ENTREP2: variants seen among roughly 807,000 people sequenced by gnomAD.
ENTREP2 encodes the protein endosomal transmembrane epsin interactor 2, also known as protein ENTREP2.
chr15:29,265,051 C>T, the ENTREP2 span: 4 of 151,992 alleles, frequency 2.6e-5, no homozygotes, highest in Non-Finnish European at 4.4e-5. Flanking sequence ...TATATACATC[C>T]AAAGTCATTC....
chr15:29,249,106 C>T, the ENTREP2 span, among the ~76,000 whole-genome samples: 3 of 151,974 alleles, frequency 2.0e-5, no homozygotes, highest in Admixed American at 1.3e-4. Context: ...GTCAGGAGTT[C>T]GAGACCAGTC....
At chr15:29,505,679 G>C in the ENTREP2 span, among the ~76,000 whole-genome samples, 1 of 152,184 alleles carries the variant, frequency 6.6e-6, no homozygotes, top group Non-Finnish European at 1.5e-5. This position sits in a 1 kb window ranked among gnomAD's most constrained non-coding sequence, Gnocchi z 4.3. Context: ...ATGACCGTTA[G>C]AAGGAAAACT....
chr15:29,429,751 G>T, the ENTREP2 span, among the ~76,000 whole-genome samples: 2 of 152,172 alleles, frequency 1.3e-5, no homozygotes, highest in South Asian at 2.1e-4. Context: ...AGTTCTCAAA[G>T]GAATACAGAG....
At chr15:29,267,637 T>C in the ENTREP2 span, 1 of 152,164 alleles carries the variant, frequency 6.6e-6, no homozygotes, top group South Asian at 2.1e-4. Context: ...ATACACGTTA[T>C]ATTTCCCCAT....
the ENTREP2 span, among the ~76,000 whole-genome samples, chr15:29,410,115 C>G: frequency 6.6e-6 from 1 of 152,000 alleles, no homozygotes; most frequent in East Asian, 1.9e-4. Flanking sequence ...ACTCTAAGGC[C>G]TGTCTCTTTG....
the ENTREP2 span, among the ~76,000 whole-genome samples, chr15:29,270,195 T>C: frequency 3.3e-5 from 5 of 152,116 alleles, no homozygotes; most frequent in African/African-American, 1.2e-4. Flanking sequence ...CTACACAAAA[T>C]GTAGAAGGAC....
the ENTREP2 span, among the ~76,000 whole-genome samples, chr15:29,451,576 G>A: frequency 6.6e-6 from 1 of 152,210 alleles, no homozygotes; most frequent in Non-Finnish European, 1.5e-5. Context: ...ATGACTCGGG[G>A]CGTGACTGAA....
chr15:29,362,443 C>T, the ENTREP2 span, among the ~76,000 whole-genome samples: 4 of 139,168 alleles, frequency 2.9e-5, no homozygotes, highest in East Asian at 2.2e-4. Context: ...GGCGCGATCT[C>T]GGCTCACTGC....
chr15:29,159,113 C>T, the ENTREP2 span, among the ~76,000 whole-genome samples: 1 of 152,130 alleles, frequency 6.6e-6, no homozygotes, highest in Non-Finnish European at 1.5e-5. Context: ...TGTGGACCCT[C>T]GCGCTGAGTG....
At chr15:29,602,547 T>G in the ENTREP2 span, among the ~76,000 whole-genome samples, 1 of 152,106 alleles carries the variant, frequency 6.6e-6, no homozygotes, top group Non-Finnish European at 1.5e-5. Flanking sequence ...TATTATTTTA[T>G]TATTTTTTGA....
the ENTREP2 span, among the ~76,000 whole-genome samples, chr15:29,414,151 A>C: frequency 1.3e-5 from 2 of 152,232 alleles, no homozygotes; most frequent in African/African-American, 4.8e-5. Flanking sequence ...AAGCGGACCT[A>C]ATAGACATCT....
the ENTREP2 span, among the ~76,000 whole-genome samples, chr15:29,251,008 T>G: frequency 6.6e-6 from 1 of 152,224 alleles, no homozygotes; most frequent in Non-Finnish European, 1.5e-5. Context: ...CCAGCGACAC[T>G]GGTCCTGCTG....
the ENTREP2 span, among the ~76,000 whole-genome samples, chr15:29,163,284 T>A: frequency 6.6e-6 from 1 of 151,976 alleles, no homozygotes; most frequent in African/African-American, 2.4e-5. Context: ...TCACACTAGT[T>A]TACCAGCAAT....
chr15:29,160,219 C>A, the ENTREP2 span, among the ~76,000 whole-genome samples: 3 of 152,246 alleles, frequency 2.0e-5, no homozygotes, highest in African/African-American at 7.2e-5. Context: ...TGCTGGCCTG[C>A]AAGTACCACG....
chr15:29,476,942 C>T, the ENTREP2 span, among the ~76,000 whole-genome samples: 2 of 152,146 alleles, frequency 1.3e-5, no homozygotes, highest in African/African-American at 4.8e-5. Flanking sequence ...CAAACAGGCG[C>T]GTATGCTCAC....
At chr15:29,227,480 G>A in the ENTREP2 span, among the ~76,000 whole-genome samples, 1 of 152,206 alleles carries the variant, frequency 6.6e-6, no homozygotes, top group Non-Finnish European at 1.5e-5. Context: ...AAGGGTCTGC[G>A]ATGTCACCCT....
At chr15:29,626,291 T>A in the ENTREP2 span, among the ~76,000 whole-genome samples, 2 of 152,192 alleles carry the variant, frequency 1.3e-5, no homozygotes. Flanking sequence ...TCCCGACATG[T>A]CAAAGGCAGG....
At chr15:29,240,213 A>AT in the ENTREP2 span, among the ~76,000 whole-genome samples, 4 of 151,992 alleles carry the variant, frequency 2.6e-5, no homozygotes, top group Non-Finnish European at 5.9e-5. Flanking sequence ...AAATACAAAA[A>AT]ATTAGCTGGG....
At chr15:29,602,765 A>G in the ENTREP2 span, among the ~76,000 whole-genome samples, 8 of 152,120 alleles carry the variant, frequency 5.3e-5, no homozygotes, top group Non-Finnish European at 7.3e-5. Context: ...CTCCTTAATG[A>G]GCCAAAACAC....
Sources: allele counts gnomAD v4.1 joint callset (sites outside exome capture counted in the v4.1 genomes callset), GRCh38; gene constraint gnomAD v4.1.1; non-coding constraint Gnocchi (gnomAD v3.1); transcripts MANE v1.5; gene names NCBI Gene and HGNC (gene_info 2026-07-23, HGNC 2026-07-21).